Variants in DMD observed in about 807,000 individuals in gnomAD.
The protein encoded by DMD is mutant dystrophin.
Under a neutral mutation model 330.1 loss-of-function variants are expected in DMD, and 63 were observed. The ratio of observed to expected loss-of-function variants is 0.19; its 90% CI spans 0.16 to 0.24. The LOEUF (loss-of-function observed/expected upper bound fraction) is 0.24, where lower values mean the gene tolerates loss of function less well. Among genes scored for constraint, DMD ranks in the 10% least tolerant of loss-of-function variants. The probability of loss-of-function intolerance (pLI) is 1.00; values close to 1 mark genes in which losing one functional copy is unlikely to be tolerated. For synonymous variants in DMD, 1,223 were observed against 959.8 expected (o/e 1.27, Z -5.07); for missense variants, 3,344 against 2,684.1 (o/e 1.25, Z -5.43).
At chrX:32,855,163 A>C (rs1437375093) in intron 2 of DMD, among the ~76,000 whole-genome samples, 1 of 112,110 alleles carries the variant, frequency 8.9e-6, no homozygotes, top group Non-Finnish European at 1.9e-5. Context: ...TGGGTATAGA[A>C]GCAGCATACC....
intron 60 of DMD, among the ~76,000 whole-genome samples, chrX:31,348,927 A>C (rs1413134859): frequency 8.9e-6 from 1 of 112,049 alleles, no homozygotes; most frequent in Non-Finnish European, 1.9e-5. Flanking sequence ...TGCTTCAATT[A>C]GTACCATAAA....
chrX:31,775,157 G>A (rs762490465), intron 50 of DMD, among the ~76,000 whole-genome samples: 30 of 111,562 alleles, frequency 2.7e-4, no homozygotes, highest in Non-Finnish European at 4.9e-4. Context: ...ATGTCATAAG[G>A]GCAGTTGTGT....
intron 2 of DMD, among the ~76,000 whole-genome samples, chrX:32,880,878 A>AGG (rs1161990731): frequency 8.9e-6 from 1 of 112,722 alleles, no homozygotes; most frequent in African/African-American, 3.2e-5. Context: ...CAGAAGGCGG[A>AGG]GGTTGCGGTG....
intron 1 of DMD, among the ~76,000 whole-genome samples, chrX:33,127,125 T>C (rs973495524): frequency 8.2e-5 from 9 of 110,266 alleles, no homozygotes; most frequent in African/African-American, 3.0e-4. Context: ...CCAACACACG[T>C]TTTTAATTTA....
At chrX:32,252,077 T>C (rs1202722154) in intron 43 of DMD, among the ~76,000 whole-genome samples, 1 of 111,497 alleles carries the variant, frequency 9.0e-6, no homozygotes, top group Non-Finnish European at 1.9e-5. Flanking sequence ...TTAGATAAAA[T>C]CTATACTTAT....
In DMD at chrX:31,879,209, C is replaced by CG. The variant is rs67287629; in HGVS notation, c.6913-3837dup. On this transcript the variant is annotated intron_variant, in intron 47 of 78. Transcript: ENST00000357033. ...TTAATGGACTCACCATTCTACATGGCGGGGGGGGGCCTCACAATCATGGCA... is the reference window on the plus strand; with the variant it reads ...TTAATGGACTCACCATTCTACATGGCGGGGGGGGGGCCTCACAATCATGGCA... Among the ~76,000 whole-genome samples the CG allele has an allele frequency of 0.17, 13,931 of 83,534 alleles. 1,219 individuals carry two copies. Among genetic ancestry groups the CG allele is most frequent in the East Asian group, 0.3 (818 of 2,694 alleles). The allele number at this position is 83,534 out of a possible 115,157, so 72.5% of individuals were successfully genotyped here.
chrX:32,665,112 C>T (rs1027773274), intron 9 of DMD, among the ~76,000 whole-genome samples: 16 of 112,144 alleles, frequency 1.4e-4, no homozygotes, highest in Non-Finnish European at 7.5e-5. Flanking sequence ...ACTGTAAAAA[C>T]TTAATAAATG....
intron 60 of DMD, among the ~76,000 whole-genome samples, chrX:31,422,035 ATATATATATT>A (rs1569540534): frequency 3.9e-4 from 3 of 7,780 alleles, no homozygotes; most frequent in African/African-American, 5.5e-4. Context: ...ACACATATAT[ATATATATATT>A]TTTTTTTTTC....
chrX:31,314,916 G>A (rs1310455904), intron 62 of DMD, among the ~76,000 whole-genome samples: 1 of 111,605 alleles, frequency 9.0e-6, no homozygotes, highest in Admixed American at 9.5e-5. Context: ...TGAGAAAGGG[G>A]CATTTTCTGC....
intron 25 of DMD, among the ~76,000 whole-genome samples, chrX:32,460,083 C>T (rs1007804951): frequency 1.8e-4 from 20 of 108,131 alleles, no homozygotes; most frequent in African/African-American, 6.2e-4. Context: ...ACAGTTATTT[C>T]CAAAAGAAGA....
intron 2 of DMD, among the ~76,000 whole-genome samples, chrX:32,871,082 G>A (rs898063085): frequency 5.9e-4 from 64 of 108,228 alleles, no homozygotes; most frequent in African/African-American, 2.1e-3. Flanking sequence ...CATCCTTGCC[G>A]TAAGCTTCGA....
chrX:31,766,361 C>T (rs773315010), intron 51 of DMD, among the ~76,000 whole-genome samples: 2 of 111,662 alleles, frequency 1.8e-5, no homozygotes, highest in Non-Finnish European at 3.8e-5. Flanking sequence ...CGGGTTCAAG[C>T]GATTCTCCTG....
intron 55 of DMD, among the ~76,000 whole-genome samples, chrX:31,623,219 G>T (rs1019403841): frequency 1.8e-5 from 2 of 110,419 alleles, no homozygotes; most frequent in Non-Finnish European, 3.8e-5. Context: ...GAATTAATCC[G>T]TGCGCCAAAA....
intron 64 of DMD, among the ~76,000 whole-genome samples, chrX:31,212,245 A>C (rs1052238443): frequency 1.8e-5 from 2 of 108,233 alleles, no homozygotes; most frequent in Non-Finnish European, 3.8e-5. Flanking sequence ...GCTACATAAA[A>C]ACCCAAGTAT....
At chrX:32,975,110 C>G (rs1191255288) in intron 2 of DMD, among the ~76,000 whole-genome samples, 1 of 110,943 alleles carries the variant, frequency 9.0e-6, no homozygotes, top group Non-Finnish European at 1.9e-5. Flanking sequence ...ATCTGCTTAT[C>G]TAGACCTTGA....
intron 2 of DMD, among the ~76,000 whole-genome samples, chrX:32,917,118 G>C (rs753122692): frequency 1.3e-4 from 14 of 109,227 alleles, no homozygotes; most frequent in Non-Finnish European, 2.3e-4. Context: ...GTGATAGTGA[G>C]TGAGTTCTCA....
chrX:33,084,157 G>GC (rs1386269990), intron 1 of DMD, among the ~76,000 whole-genome samples: 5 of 112,045 alleles, frequency 4.5e-5, no homozygotes, highest in Non-Finnish European at 7.5e-5. Flanking sequence ...AACAGAGTCA[G>GC]CCCCCAGTCC....
In DMD at chrX:31,861,664, GTGTA is replaced by G. The variant is rs1161280105; in HGVS notation, c.7098+13520_7098+13523del. Reference sequence around the variant, plus strand: ...TGTGTGTGTGTGTGTGTGTGTGTGTGTGTATATATATACACACACACACACAGCA... The same window carrying G: ...TGTGTGTGTGTGTGTGTGTGTGTGTGTATATATACACACACACACACAGCA... On this transcript the variant is annotated intron_variant, in intron 48 of 78. Coordinates refer to ENST00000357033, the MANE Select transcript of DMD (RefSeq NM_004006.3). 2.3e-3 allele frequency among the ~76,000 whole-genome samples: 222 copies of G among 95,394 alleles called. 2 individuals carry two copies. The highest frequency in any genetic ancestry group is 8.1e-3 in the African/African-American group (206 of 25,533). 82.8% of individuals were successfully genotyped at this position (95,394 alleles called of 115,157 possible).
At position 32,501,842 on chromosome X, in the gene DMD, C is replaced by A; in HGVS notation, c.2293G>T (p.Ala765Ser). 1 of 1,193,810 alleles carries A rather than the reference C, an allele frequency of 8.4e-7. No individual in the cohort carries two copies. Among genetic ancestry groups the A allele is most frequent in the Non-Finnish European group, 1.1e-6 (1 of 881,763 alleles). ...NFSDLKEKVN[A>S]IEREKAEKFR... ...TTCTCAGCTTTTTCTCGCTCTATGG[C>A]CTGCAGCATGAGAGCAAAGATGAGT... is the stretch of plus-strand genomic sequence containing the variant. The change falls in exon 19 of 79, where the codon GCC (alanine) becomes TCC (serine). Residue 765 changes from alanine to serine, a missense_variant and splice_region_variant. Physicochemically the swap from Ala to Ser is moderately conservative, Grantham distance 99. Coordinates refer to ENST00000357033, the MANE Select transcript of DMD (RefSeq NM_004006.3).
Sources: gnomAD v4.1 joint callset for allele counts (sites outside exome capture counted in the v4.1 genomes callset) on GRCh38, gnomAD v4.1.1 for gene constraint, MANE v1.5 for transcripts, NCBI Gene and HGNC (gene_info 2026-07-23, HGNC 2026-07-21) for gene names.